Variants in PTPRM observed in about 807,000 individuals in gnomAD.
PTPRM encodes the protein receptor-type tyrosine-protein phosphatase mu.
PTPRM carries 47 observed loss-of-function variants against 186.7 expected under a neutral mutation model. The observed-to-expected ratio is 0.25, with a 90% CI of 0.20 to 0.32. The LOEUF (loss-of-function observed/expected upper bound fraction) is 0.32. Ranked by LOEUF, PTPRM falls within the 10% of genes least tolerant of loss-of-function variation. The probability of loss-of-function intolerance (pLI) is 1.00; values close to 1 mark genes in which losing one functional copy is unlikely to be tolerated. For synonymous variants in PTPRM, 668 were observed against 674.9 expected, an observed-to-expected ratio of 0.99 and a Z score of 0.16; for missense variants, 1,494 against 1,865.0, an observed-to-expected ratio of 0.80 and a Z score of 3.66.
intron 1 of PTPRM, among the ~76,000 whole-genome samples, chr18:7,684,197 G>A (rs146379398): frequency 1.3e-3 from 196 of 152,168 alleles, no homozygotes; most frequent in African/African-American, 4.4e-3. Flanking sequence ...CTATTCGGGA[G>A]ACTGAGGCAG....
intron 23 of PTPRM, among the ~76,000 whole-genome samples, chr18:8,351,857 A>C (rs1336239248): frequency 6.6e-6 from 1 of 152,200 alleles, no homozygotes; most frequent in Non-Finnish European, 1.5e-5. Context: ...AGCAGGAGAA[A>C]GGCCTTCTAC....
intron 14 of PTPRM, among the ~76,000 whole-genome samples, chr18:8,214,143 G>A (rs7505348): frequency 0.27 from 40,795 of 151,888 alleles, 5,507 homozygotes; most frequent in Middle Eastern, 0.51. Flanking sequence ...ATGAAAAACT[G>A]CCTATTGGGG....
At chr18:8,332,727 G>T (rs181100413) in intron 22 of PTPRM, among the ~76,000 whole-genome samples, 1 of 152,298 alleles carries the variant, frequency 6.6e-6, no homozygotes, top group Admixed American at 6.5e-5. Context: ...CAGGTGAGGG[G>T]AAAAGACTCT....
intron 7 of PTPRM, among the ~76,000 whole-genome samples, chr18:7,994,265 A>ACACACACACAC (rs145006322): frequency 6.7e-5 from 10 of 148,906 alleles, no homozygotes; most frequent in African/African-American, 2.2e-4. Context: ...GGATATAAAT[A>ACACACACACAC]ACACACACAC....
At chr18:8,248,028 G>A (rs2094494018) in intron 16 of PTPRM, 109 bp downstream of exon 16, 1 of 1,359,594 alleles carries the variant, frequency 7.4e-7, no homozygotes, top group Non-Finnish European at 1.1e-6. Context: ...TGTTTGAGAT[G>A]TTGTAACCCA....
intron 7 of PTPRM, among the ~76,000 whole-genome samples, chr18:7,961,816 AT>A (rs35672572): frequency 0.26 from 39,306 of 152,086 alleles, 5,267 homozygotes; most frequent in Non-Finnish European, 0.29. Flanking sequence ...TATAACTTCC[AT>A]TTTTTTAAAT....
At chr18:8,332,888 C>T (rs1310248245) in intron 22 of PTPRM, among the ~76,000 whole-genome samples, 1 of 152,214 alleles carries the variant, frequency 6.6e-6, no homozygotes, top group Non-Finnish European at 1.5e-5. Flanking sequence ...TAGCTTTTCT[C>T]TTCTTTTACT....
At chr18:8,023,975 TACTC>T (rs1408644908) in intron 7 of PTPRM, among the ~76,000 whole-genome samples, 3 of 152,144 alleles carry the variant, frequency 2.0e-5, no homozygotes, top group Non-Finnish European at 4.4e-5. Flanking sequence ...GAGTGCTAAT[TACTC>T]ACGTAACTGC....
Position 7,914,092 on chromosome 18 carries a change from T to C in PTPRM, c.547+7509T>C, listed in dbSNP as rs1982284. Among the ~76,000 whole-genome samples, 777 of 152,262 alleles carry C rather than the reference T, an allele frequency of 5.1e-3. 4 individuals carry two copies. Among genetic ancestry groups the C allele is most frequent in the Middle Eastern group, 0.01 (3 of 294 alleles). On this transcript the variant is annotated intron_variant, in intron 4 of 32. Coordinates refer to ENST00000580170, the MANE Select transcript of PTPRM (RefSeq NM_001105244.2). Reference sequence around the variant, plus strand: ...AATGAAGATTTATTAAATAGTGTGATTGAAATAAGAATAACAGTGACAAAG... The same window carrying C: ...AATGAAGATTTATTAAATAGTGTGACTGAAATAAGAATAACAGTGACAAAG...
chr18:7,918,581 G>A (rs2050693311), intron 4 of PTPRM, among the ~76,000 whole-genome samples: 1 of 152,126 alleles, frequency 6.6e-6, no homozygotes, highest in Non-Finnish European at 1.5e-5. Context: ...AACAGAATGG[G>A]TCAAGCAGAG....
At chr18:8,372,210 T>G (rs2095667459) in intron 24 of PTPRM, among the ~76,000 whole-genome samples, 2 of 147,958 alleles carry the variant, frequency 1.4e-5, no homozygotes, top group African/African-American at 5.0e-5. Context: ...TAGCTGGGAC[T>G]ACAGGCGCCC....
At chr18:7,593,566 T>C (rs1416417972) in intron 1 of PTPRM, among the ~76,000 whole-genome samples, 2 of 152,210 alleles carry the variant, frequency 1.3e-5, no homozygotes, top group African/African-American at 4.8e-5. Context: ...GCTTCCCCCA[T>C]GTACATGACC....
At chr18:7,792,731 C>T (rs2043403050) in intron 2 of PTPRM, among the ~76,000 whole-genome samples, 1 of 152,008 alleles carries the variant, frequency 6.6e-6, no homozygotes, top group South Asian at 2.1e-4. Context: ...GTGGTGCGAT[C>T]ACGGCTTACT....
At chr18:8,136,471 TA>T (rs936453062) in intron 13 of PTPRM, among the ~76,000 whole-genome samples, 3 of 151,816 alleles carry the variant, frequency 2.0e-5, no homozygotes, top group South Asian at 2.1e-4. Flanking sequence ...AGAACAAAAA[TA>T]AAAAAAAGAT....
chr18:7,688,444 A>G (rs4127388), intron 1 of PTPRM, among the ~76,000 whole-genome samples: 7,055 of 152,256 alleles, frequency 0.046, 550 homozygotes, highest in African/African-American at 0.16. Context: ...CTGCTCAGAC[A>G]TCTGAAGCTT....
At chr18:7,891,425 A>G (rs546495066) in intron 3 of PTPRM, among the ~76,000 whole-genome samples, 1 of 152,278 alleles carries the variant, frequency 6.6e-6, no homozygotes, top group East Asian at 1.9e-4. Flanking sequence ...TTTATAAAAC[A>G]AAAAGTAAAA....
At chr18:7,629,301 C>T (rs897966295) in intron 1 of PTPRM, among the ~76,000 whole-genome samples, 6 of 152,112 alleles carry the variant, frequency 3.9e-5, no homozygotes, top group African/African-American at 7.2e-5. Context: ...AATTTAGCCT[C>T]GTGGATGTGG....
At chr18:7,849,414 C>G (rs2046758256) in intron 2 of PTPRM, among the ~76,000 whole-genome samples, 1 of 152,176 alleles carries the variant, frequency 6.6e-6, no homozygotes. Flanking sequence ...AGATGGGTCT[C>G]TTTTAGAGTT....
chr18:8,384,823 T>A, intron 30 of PTPRM, 137 bp downstream of exon 30: 1 of 1,095,330 alleles, frequency 9.1e-7, no homozygotes, highest in Non-Finnish European at 1.3e-6. Context: ...AAACATAGAT[T>A]CCTGACCTTA....
Sources: allele counts gnomAD v4.1 joint callset (sites outside exome capture counted in the v4.1 genomes callset), GRCh38; gene constraint gnomAD v4.1.1; transcripts MANE v1.5; gene names NCBI Gene and HGNC (gene_info 2026-07-23, HGNC 2026-07-21).